GPHN: variants seen among roughly 807,000 people sequenced by gnomAD.
GPHN encodes the protein gephyrin.
In GPHN, 17 loss-of-function variants were observed where a neutral mutation model predicts 95.5. That is an observed-to-expected ratio of 0.18 (90% CI 0.12 to 0.27). The LOEUF (loss-of-function observed/expected upper bound fraction) is 0.27. Ranked by LOEUF, GPHN falls within the 10% of genes least tolerant of loss-of-function variation. The pLI is 1.00. For synonymous variants in GPHN, 320 were observed against 322.5 expected, an observed-to-expected ratio of 0.99 and a Z score of 0.08; for missense variants, 660 against 978.1, an observed-to-expected ratio of 0.67 and a Z score of 4.34.
At chr14:67,716,233 A>G in the GPHN span, among the ~76,000 whole-genome samples, 2 of 151,762 alleles carry the variant, frequency 1.3e-5, no homozygotes, top group Admixed American at 6.6e-5. Context: ...GAAATTGCCT[A>G]ACTAAGTTAT....
intron 2 of GPHN, among the ~76,000 whole-genome samples, chr14:66,773,768 C>T (rs2059272479): frequency 6.6e-6 from 1 of 152,152 alleles, no homozygotes; most frequent in African/African-American, 2.4e-5. Flanking sequence ...AGTGGACTCT[C>T]ACTGTGTTGC....
At chr14:67,579,968 T>C in the GPHN span, 10 of 1,234,272 alleles carry the variant, frequency 8.1e-6, no homozygotes, top group African/African-American at 1.5e-5. Context: ...TCTGACTGTT[T>C]GGTAGCTCAT....
At chr14:66,548,214 T>A (rs578003308) in intron 1 of GPHN, among the ~76,000 whole-genome samples, 1 of 148,698 alleles carries the variant, frequency 6.7e-6, no homozygotes, top group Non-Finnish European at 1.5e-5. Flanking sequence ...GGAGTCTCGC[T>A]CTGTCGCCCA....
chr14:67,063,828 T>G (rs1430769415), intron 11 of GPHN, among the ~76,000 whole-genome samples: 1 of 152,222 alleles, frequency 6.6e-6, no homozygotes, highest in Non-Finnish European at 1.5e-5. Context: ...AAGGAGATTT[T>G]GGGCTGAGAC....
intron 4 of GPHN, among the ~76,000 whole-genome samples, chr14:66,876,244 A>G (rs1055280033): frequency 6.6e-6 from 1 of 152,210 alleles, no homozygotes; most frequent in Non-Finnish European, 1.5e-5. Flanking sequence ...GGACACAGCT[A>G]AAGCACTCTT....
intron 11 of GPHN, among the ~76,000 whole-genome samples, chr14:67,084,822 T>G (rs1369500269): frequency 6.6e-6 from 1 of 152,186 alleles, no homozygotes; most frequent in Non-Finnish European, 1.5e-5. Context: ...AAAAAAGGCC[T>G]TCCTGTCCAA....
In GPHN at chr14:66,879,974, G is replaced by A; in HGVS notation, c.330G>A (p.Gly110=). ...AAGTAATAGAACGGGAAGCACCAGG[G>A]ATGGCCCTGGCAATGCTGATGGGAT... ...TKEVIEREAP[G]MALAMLMGSL... is the part of the protein sequence containing the mutation. Residue 110 remains glycine (G), a synonymous_variant, in exon 5 of 23, where the codon GGG becomes GGA. Transcript: ENST00000478722. 1 of 1,611,564 alleles carries A rather than the reference G, an allele frequency of 6.2e-7. No homozygotes were observed. Among genetic ancestry groups the A allele is most frequent in the African/African-American group, 1.3e-5 (1 of 74,894 alleles).
At chr14:67,019,922 C>T (rs1012331864) in intron 9 of GPHN, among the ~76,000 whole-genome samples, 12 of 152,166 alleles carry the variant, frequency 7.9e-5, no homozygotes, top group Non-Finnish European at 1.8e-4. Context: ...TTTCGTGTGT[C>T]CTGCTTTCTT....
intron 2 of GPHN, among the ~76,000 whole-genome samples, chr14:66,742,624 T>G (rs991251467): frequency 2.6e-5 from 4 of 152,218 alleles, no homozygotes; most frequent in Non-Finnish European, 4.4e-5. Flanking sequence ...ATGTGATGTA[T>G]TGTTAGAGTC....
the GPHN span, chr14:67,692,546 C>G: frequency 6.2e-7 from 1 of 1,609,806 alleles, no homozygotes; most frequent in Non-Finnish European, 8.5e-7. Flanking sequence ...TCTTTGGCCA[C>G]CAATTCCCCC....
intron 1 of GPHN, among the ~76,000 whole-genome samples, chr14:66,555,719 A>G (rs542838258): frequency 6.6e-6 from 1 of 152,304 alleles, no homozygotes; most frequent in South Asian, 2.1e-4. Context: ...TTAGGAGAAC[A>G]CTAACTTATC....
the GPHN span, among the ~76,000 whole-genome samples, chr14:67,444,745 G>A: frequency 1.3e-5 from 2 of 152,280 alleles, no homozygotes; most frequent in East Asian, 3.9e-4. Context: ...CCGGGCTAGA[G>A]ACTGAATTAC....
chr14:66,733,608 ATTCC>A (rs1238370499), intron 2 of GPHN, among the ~76,000 whole-genome samples: 1 of 152,130 alleles, frequency 6.6e-6, no homozygotes, highest in Non-Finnish European at 1.5e-5. Flanking sequence ...CTTTCTAAAT[ATTCC>A]TTTATTTACT....
At chr14:66,798,255 A>T (rs2060225404) in intron 3 of GPHN, among the ~76,000 whole-genome samples, 1 of 151,878 alleles carries the variant, frequency 6.6e-6, no homozygotes, top group Non-Finnish European at 1.5e-5. Flanking sequence ...TTGCATCAAT[A>T]TTCATGAGAG....
At chr14:67,555,552 C>T in the GPHN span, among the ~76,000 whole-genome samples, 12 of 152,272 alleles carry the variant, frequency 7.9e-5, no homozygotes, top group East Asian at 1.4e-3. Flanking sequence ...CTGCCCTCCC[C>T]GGACACCCTC....
At chr14:67,062,558 G>A (rs1204754582) in intron 11 of GPHN, among the ~76,000 whole-genome samples, 2 of 152,204 alleles carry the variant, frequency 1.3e-5, no homozygotes, top group Non-Finnish European at 2.9e-5. Flanking sequence ...AGAAAATGCT[G>A]AAAGTGATTG....
chr14:66,551,639 A>C (rs1202802287), intron 1 of GPHN, among the ~76,000 whole-genome samples: 1 of 152,184 alleles, frequency 6.6e-6, no homozygotes, highest in African/African-American at 2.4e-5. Context: ...TGGGTAATTG[A>C]TAAAGAAAAG....
chr14:67,373,498 A>C, the GPHN span, among the ~76,000 whole-genome samples: 3 of 152,224 alleles, frequency 2.0e-5, no homozygotes, highest in Admixed American at 6.5e-5. Context: ...GGAATTTCCT[A>C]ATCTGATAAA....
the GPHN span, among the ~76,000 whole-genome samples, chr14:67,531,718 C>T: frequency 0.012 from 1,779 of 149,598 alleles, 48 homozygotes; most frequent in African/African-American, 0.039. Context: ...AGTTTGAGAC[C>T]CCACCTCTAC....
Sources: allele counts gnomAD v4.1 joint callset (sites outside exome capture counted in the v4.1 genomes callset), GRCh38; gene constraint gnomAD v4.1.1; transcripts MANE v1.5; gene names NCBI Gene and HGNC (gene_info 2026-07-23, HGNC 2026-07-21).